The following COL24A1 variants were observed in gnomAD, a reference collection of about 807,000 sequenced individuals.
COL24A1 encodes collagen type XXIV alpha 1 chain.
A neutral mutation model predicts 253.9 loss-of-function variants in COL24A1; 224 were observed. That is an observed-to-expected ratio of 0.88 (90% CI 0.79 to 0.99). COL24A1 has a LOEUF of 0.99. Ranked by LOEUF, COL24A1 falls within the 50% of genes least tolerant of loss-of-function variation. The pLI is 0.00. For missense variants in COL24A1, 2,131 were observed against 2,068.5 expected (o/e 1.03, Z -0.59); for synonymous variants, 685 against 673.7 (o/e 1.02, Z -0.26).
chr1:85,746,170 T>C (rs1441845201), intron 55 of COL24A1, among the ~76,000 whole-genome samples: 1 of 152,162 alleles, frequency 6.6e-6, no homozygotes, highest in East Asian at 1.9e-4. Context: ...GAGAAGGTTC[T>C]GGGAAATGGC....
At chr1:86,132,320 G>A (rs1230938857) in intron 2 of COL24A1, among the ~76,000 whole-genome samples, 1 of 152,172 alleles carries the variant, frequency 6.6e-6, no homozygotes, top group African/African-American at 2.4e-5. Context: ...TAGGTTGCCT[G>A]TTCACTGTGA....
chr1:85,745,884 C>A (rs1665157932), intron 55 of COL24A1, among the ~76,000 whole-genome samples: 1 of 152,122 alleles, frequency 6.6e-6, no homozygotes, highest in African/African-American at 2.4e-5. Flanking sequence ...CAATTTTTAA[C>A]AGTTACATTC....
chr1:86,133,384 C>A (rs1483402362), intron 2 of COL24A1, among the ~76,000 whole-genome samples: 3 of 152,150 alleles, frequency 2.0e-5, no homozygotes, highest in Admixed American at 2.0e-4. Flanking sequence ...ACTTCCAACA[C>A]TATGTTGAGT....
At chr1:85,908,153 C>A (rs778305346) in intron 27 of COL24A1, among the ~76,000 whole-genome samples, 1 of 151,372 alleles carries the variant, frequency 6.6e-6, no homozygotes, top group Middle Eastern at 3.4e-3. Context: ...ACTTCATCAT[C>A]TTTTTGTAAA....
At chr1:86,076,000 C>G (rs1365012382) in intron 7 of COL24A1, among the ~76,000 whole-genome samples, 1 of 152,200 alleles carries the variant, frequency 6.6e-6, no homozygotes, top group Non-Finnish European at 1.5e-5. Context: ...AGGATGCCCT[C>G]TCTCACCACT....
intron 28 of COL24A1, among the ~76,000 whole-genome samples, chr1:85,900,902 T>A (rs1471285876): frequency 6.6e-6 from 1 of 151,984 alleles, no homozygotes; most frequent in Non-Finnish European, 1.5e-5. Flanking sequence ...TATACAAAAA[T>A]CAACCCAAAA....
chr1:85,781,970 C>T lies in COL24A1; in HGVS notation c.4285-697G>A, dbSNP rs186412185. ...GTTTTTTCCTACAAACTTCAGCTTC[C>T]GTGGTTCTTCAGAAATCATGAAAAT... On this transcript the variant is annotated intron_variant, in intron 51 of 59. Transcript: ENST00000370571. 4.1e-4 allele frequency among the ~76,000 whole-genome samples: 63 copies of T among 152,264 alleles called. No individual in the cohort carries two copies. In the South Asian group the frequency reaches 0.01, roughly 25 times the overall value.
intron 43 of COL24A1, 94 bp from the exon 44 acceptor site, chr1:85,823,832 C>A: frequency 1.8e-6 from 2 of 1,086,194 alleles, no homozygotes; most frequent in Non-Finnish European, 1.4e-6. Flanking sequence ...CAAAGTGTTG[C>A]AAAGCTCAAC....
intron 1 of COL24A1, among the ~76,000 whole-genome samples, chr1:86,150,085 C>G (rs1217754753): frequency 6.6e-6 from 1 of 152,184 alleles, no homozygotes; most frequent in Non-Finnish European, 1.5e-5. Flanking sequence ...AAGTTATTCT[C>G]CATCCACTGG....
At chr1:86,080,504 A>G (rs943760442) in intron 7 of COL24A1, among the ~76,000 whole-genome samples, 3 of 152,180 alleles carry the variant, frequency 2.0e-5, no homozygotes, top group Non-Finnish European at 4.4e-5. Flanking sequence ...TGATGTGATC[A>G]GTATGCATTG....
chr1:85,827,425 A>G (rs958522924), intron 43 of COL24A1, among the ~76,000 whole-genome samples: 2 of 151,532 alleles, frequency 1.3e-5, no homozygotes, highest in African/African-American at 4.8e-5. Context: ...TGGTATCAGG[A>G]TGATGCTGGC....
rs1697782897 is a variant in COL24A1, at chr1:86,023,903, CT to C, written c.2050-897del. 2.0e-5 allele frequency among the ~76,000 whole-genome samples: 3 copies of C among 152,026 alleles called. No homozygotes were observed. In the South Asian group the frequency reaches 6.2e-4, roughly 32 times the overall value. On this transcript the variant is annotated intron_variant, in intron 14 of 59. Transcript: ENST00000370571. ...TTCTTTGCCTGGCTTCCTTACTACT[CT>C]TTATAATGGAAATCCAAGTTAGTTC...
chr1:85,955,000 G>C (rs904852225), intron 24 of COL24A1, among the ~76,000 whole-genome samples: 1 of 152,220 alleles, frequency 6.6e-6, no homozygotes, highest in African/African-American at 2.4e-5. Flanking sequence ...CGGAAGTGCA[G>C]GGTAGGGAAG....
chr1:85,821,270 G>T (rs995868582), intron 45 of COL24A1, among the ~76,000 whole-genome samples: 1 of 152,008 alleles, frequency 6.6e-6, no homozygotes, highest in Non-Finnish European at 1.5e-5. Flanking sequence ...TGAATGAATT[G>T]GTTGGTTAGG....
At chr1:86,098,648 T>C (rs1704201506) in intron 5 of COL24A1, among the ~76,000 whole-genome samples, 1 of 152,176 alleles carries the variant, frequency 6.6e-6, no homozygotes, top group South Asian at 2.1e-4. Context: ...TATGACATCC[T>C]TGGACTGAGA....
chr1:85,994,513 G>T (rs1360812306), intron 19 of COL24A1, among the ~76,000 whole-genome samples: 3 of 151,792 alleles, frequency 2.0e-5, no homozygotes, highest in African/African-American at 7.3e-5. Context: ...TTTGTAAGAG[G>T]ATAATTTGGT....
chr1:86,100,426 T>A (rs1704346744), intron 5 of COL24A1, among the ~76,000 whole-genome samples: 3 of 152,178 alleles, frequency 2.0e-5, no homozygotes, highest in Admixed American at 2.0e-4. Flanking sequence ...TTCCTTTTAT[T>A]TTTCTTCTAT....
At chr1:85,967,676 A>G (rs1558834200) in intron 22 of COL24A1, among the ~76,000 whole-genome samples, 1 of 152,138 alleles carries the variant, frequency 6.6e-6, no homozygotes, top group African/African-American at 2.4e-5. Context: ...TGGTTTCAGG[A>G]TGAAACTGGT....
intron 3 of COL24A1, among the ~76,000 whole-genome samples, chr1:86,123,100 T>C (rs1647641947): frequency 6.6e-6 from 1 of 151,954 alleles, no homozygotes; most frequent in Admixed American, 6.6e-5. Flanking sequence ...AGGATAACAC[T>C]ACAAACTTTA....
Sources: allele counts gnomAD v4.1 joint callset (sites outside exome capture counted in the v4.1 genomes callset), GRCh38; gene constraint gnomAD v4.1.1; transcripts MANE v1.5; gene names NCBI Gene and HGNC (gene_info 2026-07-23, HGNC 2026-07-21).